The following HDAC8 variants were observed in gnomAD, a reference collection of about 807,000 sequenced individuals.
HDAC8 encodes the protein histone deacetylase 8, also known as histone deacetylase-like 1.
In HDAC8, 1 loss-of-function variant was observed where a neutral mutation model predicts 32.2. The observed-to-expected ratio is 0.03, with a 90% CI of 0.01 to 0.15. HDAC8 has a LOEUF of 0.15. Among genes scored for constraint, HDAC8 ranks in the 10% least tolerant of loss-of-function variants. HDAC8 has a pLI of 1.00. For synonymous variants in HDAC8, 108 were observed against 113.9 expected (o/e 0.95, Z 0.33); for missense variants, 117 against 300.0 (o/e 0.39, Z 4.51).
At chrX:72,368,646 C>G (rs782366869) in intron 9 of HDAC8, among the ~76,000 whole-genome samples, 2 of 112,478 alleles carry the variant, frequency 1.8e-5, no homozygotes, top group East Asian at 2.8e-4. Context: ...TAAGCCACCA[C>G]GCCTGGCCAT....
At chrX:72,418,945 A>G (rs1317495615) in intron 9 of HDAC8, among the ~76,000 whole-genome samples, 1 of 111,613 alleles carries the variant, frequency 9.0e-6, no homozygotes, top group Non-Finnish European at 1.9e-5. Flanking sequence ...AATTGGTTAT[A>G]GAGGTAGAGA....
chrX:72,439,206 C>T (rs1312956000), intron 9 of HDAC8, among the ~76,000 whole-genome samples: 1 of 111,569 alleles, frequency 9.0e-6, no homozygotes, highest in African/African-American at 3.3e-5. Flanking sequence ...TCATATCCAG[C>T]CAAACTAAGG....
chrX:72,350,769 C>G (rs1025979270), intron 10 of HDAC8, among the ~76,000 whole-genome samples: 4 of 112,214 alleles, frequency 3.6e-5, no homozygotes, highest in Non-Finnish European at 5.6e-5. Context: ...GGACAGTGAC[C>G]CCAAACAGCC....
intron 1 of HDAC8, 35 bp from the exon 2 acceptor site, chrX:72,572,144 G>C (rs1224466571): frequency 7.3e-6 from 8 of 1,091,656 alleles, no homozygotes; most frequent in Middle Eastern, 2.5e-4. Flanking sequence ...AAAAAGAAAA[G>C]CAGAAATAGT....
intron 10 of HDAC8, among the ~76,000 whole-genome samples, chrX:72,344,936 T>G (rs2043985014): frequency 8.9e-6 from 1 of 111,850 alleles, no homozygotes; most frequent in African/African-American, 3.3e-5. Context: ...TGACTTCCAC[T>G]TTACTGTGGA....
chrX:72,380,095 A>G (rs1451604620), intron 9 of HDAC8, among the ~76,000 whole-genome samples: 2 of 111,080 alleles, frequency 1.8e-5, no homozygotes, highest in African/African-American at 6.6e-5. Context: ...AATGCCTATC[A>G]TCCTGTGCAT....
chrX:72,415,558 C>T (rs1304961934), intron 9 of HDAC8, among the ~76,000 whole-genome samples: 2 of 111,839 alleles, frequency 1.8e-5, no homozygotes, highest in African/African-American at 6.5e-5. Flanking sequence ...CAAACTATGG[C>T]CACAGTATGT....
At chrX:72,453,464 T>TAAATAAATAAAGAAAG (rs79152861) in intron 9 of HDAC8, among the ~76,000 whole-genome samples, 7 of 67,247 alleles carry the variant, frequency 1.0e-4, no homozygotes, top group Admixed American at 3.9e-4. Context: ...CTCTTAAAAA[T>TAAATAAATAAAGAAAG]AAAGAAAGAA....
intron 10 of HDAC8, among the ~76,000 whole-genome samples, chrX:72,348,464 C>T (rs2044089320): frequency 8.9e-6 from 1 of 112,514 alleles, no homozygotes; most frequent in Non-Finnish European, 1.9e-5. Context: ...TGGCAGCATG[C>T]GTCACCATGC....
chrX:72,497,407 A>G (rs183756948), intron 4 of HDAC8, among the ~76,000 whole-genome samples: 1 of 111,846 alleles, frequency 8.9e-6, no homozygotes, highest in Non-Finnish European at 1.9e-5. Flanking sequence ...CAAGATTTTC[A>G]ATATGCTAAA....
chrX:72,518,753 C>T (rs181710165), intron 4 of HDAC8, among the ~76,000 whole-genome samples: 1 of 111,841 alleles, frequency 8.9e-6, no homozygotes, highest in Admixed American at 9.5e-5. Context: ...TTCCCTTCCT[C>T]TCCCCACCAA....
At chrX:72,361,245 T>C in intron 9 of HDAC8, among the ~76,000 whole-genome samples, 1 of 111,959 alleles carries the variant, frequency 8.9e-6, no homozygotes, top group Non-Finnish European at 1.9e-5. Context: ...GTGCCAAGAA[T>C]TGTTTGAGTG....
intron 4 of HDAC8, among the ~76,000 whole-genome samples, chrX:72,530,123 T>G (rs1379414504): frequency 8.9e-6 from 1 of 112,131 alleles, no homozygotes; most frequent in Non-Finnish European, 1.9e-5. Context: ...GACTAATATA[T>G]CTACCCAGTG....
intron 9 of HDAC8, among the ~76,000 whole-genome samples, chrX:72,388,377 T>C (rs1213816839): frequency 9.1e-6 from 1 of 109,957 alleles, no homozygotes; most frequent in Non-Finnish European, 1.9e-5. Flanking sequence ...AGTGTTCCCT[T>C]TATTAATCAA....
At chrX:72,503,979 T>C (rs1377075996) in intron 4 of HDAC8, among the ~76,000 whole-genome samples, 1 of 112,045 alleles carries the variant, frequency 8.9e-6, no homozygotes, top group Non-Finnish European at 1.9e-5. Flanking sequence ...TCTCCCACAT[T>C]TATAGATGCA....
At chrX:72,492,514 C>T (rs1215297526) in intron 5 of HDAC8, among the ~76,000 whole-genome samples, 2 of 109,776 alleles carry the variant, frequency 1.8e-5, no homozygotes, top group African/African-American at 6.6e-5. Flanking sequence ...CTAGTGAAGC[C>T]ACCACAGGAT....
chrX:72,503,355 T>C (rs1447995814), intron 4 of HDAC8, among the ~76,000 whole-genome samples: 3 of 112,392 alleles, frequency 2.7e-5, no homozygotes, highest in Non-Finnish European at 5.6e-5. Context: ...GCAAGTGTGT[T>C]AATAAGATAG....
intron 4 of HDAC8, among the ~76,000 whole-genome samples, chrX:72,516,573 A>G (rs1210850031): frequency 9.0e-6 from 1 of 111,081 alleles, no homozygotes; most frequent in Non-Finnish European, 1.9e-5. Context: ...GTTTCCTCTT[A>G]GCATCTGACC....
chrX:72,562,882 C>CT (rs1164766535), intron 4 of HDAC8, among the ~76,000 whole-genome samples: 87 of 96,322 alleles, frequency 9.0e-4, no homozygotes, highest in East Asian at 1.3e-3. Flanking sequence ...TATTTTTTTT[C>CT]TTTTTTTTTT....
Sources: allele counts gnomAD v4.1 joint callset (sites outside exome capture counted in the v4.1 genomes callset), GRCh38; gene constraint gnomAD v4.1.1; transcripts MANE v1.5; gene names NCBI Gene and HGNC (gene_info 2026-07-23, HGNC 2026-07-21).